NPTN: variants seen among roughly 807,000 people sequenced by gnomAD.
NPTN encodes SDR-1.
Under a neutral mutation model 42.7 loss-of-function variants are expected in NPTN, and 5 were observed. The ratio of observed to expected loss-of-function variants is 0.12; its 90% CI spans 0.06 to 0.25. The LOEUF (loss-of-function observed/expected upper bound fraction) is 0.25. NPTN is among the 10% of genes least tolerant of loss of function. The pLI is 1.00. For missense variants in NPTN, 307 were observed against 525.4 expected (o/e 0.58, Z 4.06); for synonymous variants, 180 against 201.9 (o/e 0.89, Z 0.92).
chr15:73,614,810 T>C (rs1897782489), intron 1 of NPTN, among the ~76,000 whole-genome samples: 1 of 152,190 alleles, frequency 6.6e-6, no homozygotes, highest in South Asian at 2.1e-4. Flanking sequence ...GAGTTTTTCA[T>C]AGAAAGGTAG....
At chr15:73,602,295 C>T (rs1242460656) in intron 1 of NPTN, among the ~76,000 whole-genome samples, 2 of 152,142 alleles carry the variant, frequency 1.3e-5, no homozygotes, top group Non-Finnish European at 2.9e-5. Flanking sequence ...CTGTTCCCTT[C>T]AAACCCCCTC....
At chr15:73,599,840 C>T (rs1032851537) in intron 1 of NPTN, among the ~76,000 whole-genome samples, 9 of 152,102 alleles carry the variant, frequency 5.9e-5, no homozygotes, top group African/African-American at 2.2e-4. Context: ...TGGGGAGTTA[C>T]AGCCTCTCAA....
chr15:73,600,064 A>G (rs1897013334), intron 1 of NPTN, among the ~76,000 whole-genome samples: 7 of 152,184 alleles, frequency 4.6e-5, no homozygotes, highest in Admixed American at 4.6e-4. Context: ...ATAACACACA[A>G]GTCACAGGTA....
chr15:73,569,646 TCTGA>T lies in NPTN; in HGVS notation c.1114+500_1114+503del. ...GTTCCAATGGCTTTTCTGAGAACAG[TCTGA>T]CTGGGCTGGGGCAGTTACCTACAGG... On this transcript the variant is annotated intron_variant, in intron 6 of 8. Transcript: ENST00000345330. This position sits in a 1 kb window ranked among gnomAD's most constrained non-coding sequence, Gnocchi z 4.1. 1 of 985,442 alleles carries T rather than the reference TCTGA, an allele frequency of 1.0e-6. No individual in the cohort carries two copies. Among genetic ancestry groups the T allele is most frequent in the South Asian group, 4.7e-5 (1 of 21,290 alleles). The allele number at this position is 985,442 out of a possible 1,614,324, so 61.0% of individuals were successfully genotyped here. A position where few individuals can be genotyped will look rare whatever the true frequency, so the allele number is the denominator to read the frequency against.
rs1017721285 is a variant in NPTN at position 73,569,219 on chromosome 15, G to A, written c.1114+931C>T. The A allele has an allele frequency of 1.0e-6, 1 of 985,384 alleles. No individual in the cohort carries two copies. Among genetic ancestry groups the A allele is most frequent in the East Asian group, 1.1e-4 (1 of 8,832 alleles). 61.0% of individuals were successfully genotyped at this position (985,384 alleles called of 1,614,324 possible). The stretch of plus-strand genomic sequence containing the variant: ...CTGTACGCCGGTCATGTTATAGGGT[G>A]GGGATGGGGAGCCAGCTGGGAACCT... On this transcript the variant is annotated intron_variant, in intron 6 of 8. Transcript: ENST00000345330. This position sits in a 1 kb window ranked among gnomAD's most constrained non-coding sequence, Gnocchi z 4.1.
intron 4 of NPTN, among the ~76,000 whole-genome samples, chr15:73,574,532 G>C (rs1445554983): frequency 6.6e-6 from 1 of 152,120 alleles, no homozygotes; most frequent in Non-Finnish European, 1.5e-5. Flanking sequence ...GTGATCCTCA[G>C]CTCCCGAGTA....
At chr15:73,605,455 G>A (rs974672896) in intron 1 of NPTN, among the ~76,000 whole-genome samples, 1 of 152,102 alleles carries the variant, frequency 6.6e-6, no homozygotes, top group Non-Finnish European at 1.5e-5. Context: ...TAGGTCGGGT[G>A]CGGTGGCTCA....
chr15:73,603,542 G>A (rs117161511), intron 1 of NPTN, among the ~76,000 whole-genome samples: 6 of 152,308 alleles, frequency 3.9e-5, no homozygotes, highest in East Asian at 1.9e-4. Context: ...GCAGACACAT[G>A]TATGTGGACT....
At chr15:73,614,729 T>G (rs113740992) in intron 1 of NPTN, among the ~76,000 whole-genome samples, 2,109 of 152,296 alleles carry the variant, frequency 0.014, 18 homozygotes, top group Non-Finnish European at 0.02. Context: ...TTGCAACCTA[T>G]TAAAAACTTA....
At chr15:73,584,730 T>G in intron 4 of NPTN, among the ~76,000 whole-genome samples, 1 of 147,910 alleles carries the variant, frequency 6.8e-6, no homozygotes, top group Non-Finnish European at 1.5e-5. Context: ...CTCAACAGTA[T>G]CTTCCTGTTT....
intron 1 of NPTN, among the ~76,000 whole-genome samples, chr15:73,626,140 G>A (rs1450853841): frequency 6.6e-6 from 1 of 152,156 alleles, no homozygotes; most frequent in African/African-American, 2.4e-5. Context: ...AATACAAATA[G>A]TTAAGTGTGT....
At chr15:73,567,543 T>C (rs1895101465) in intron 6 of NPTN, 1 of 985,366 alleles carries the variant, frequency 1.0e-6, no homozygotes, top group Non-Finnish European at 1.2e-6. Context: ...GTCCTTCCTA[T>C]GGAGTGCACA....
In NPTN at chr15:73,569,118, T is replaced by C. The variant is rs1895220453; in HGVS notation, c.1114+1032A>G. 2 of 985,602 alleles carry C rather than the reference T, an allele frequency of 2.0e-6. No individual in the cohort carries two copies. The highest frequency in any genetic ancestry group is 1.7e-5 in the African/African-American group (1 of 57,252). 61.1% of individuals were successfully genotyped at this position (985,602 alleles called of 1,614,324 possible). The stretch of plus-strand genomic sequence containing the variant: ...ACCATCACCCCGGGTAGGCTACCAC[T>C]GAGCCCAGGGGCACACCCATCTGTC... On this transcript the variant is annotated intron_variant, in intron 6 of 8. Transcript: ENST00000345330. The surrounding 1 kb of genome is among the most constrained non-coding windows in gnomAD (Gnocchi z 4.1).
In NPTN at chr15:73,591,958, A is replaced by C. The variant is rs1896607824; in HGVS notation, c.611+8T>G. 1 of 1,606,102 alleles carries C rather than the reference A, an allele frequency of 6.2e-7. No homozygotes were observed. The highest frequency in any genetic ancestry group is 8.5e-7 in the Non-Finnish European group (1 of 1,175,584). ...CCCACCTTCCCAGGAGCTGCCCACCACTCTCACCTGTACTCCATGTTGCTG... is the reference window on the plus strand; with the variant it reads ...CCCACCTTCCCAGGAGCTGCCCACCCCTCTCACCTGTACTCCATGTTGCTG... On this transcript the variant is annotated splice_region_variant and intron_variant, in intron 3 of 8. Transcript: ENST00000345330.
intron 4 of NPTN, among the ~76,000 whole-genome samples, chr15:73,585,706 G>A (rs1345191231): frequency 1.3e-5 from 2 of 152,184 alleles, no homozygotes; most frequent in Non-Finnish European, 1.5e-5. Flanking sequence ...CCAGAATATG[G>A]TTTAAGATAT....
intron 1 of NPTN, among the ~76,000 whole-genome samples, chr15:73,608,770 G>C (rs1897408054): frequency 6.6e-6 from 1 of 152,214 alleles, no homozygotes; most frequent in African/African-American, 2.4e-5. Context: ...CTAATTAAGA[G>C]TGGCTGTGGG....
intron 2 of NPTN, among the ~76,000 whole-genome samples, chr15:73,592,693 G>A (rs1247867718): frequency 6.6e-6 from 1 of 152,124 alleles, no homozygotes; most frequent in Non-Finnish European, 1.5e-5. Flanking sequence ...CTTCCTATTG[G>A]AAGTCACTTG....
intron 1 of NPTN, among the ~76,000 whole-genome samples, chr15:73,609,377 T>G (rs549184224): frequency 6.6e-6 from 1 of 152,286 alleles, no homozygotes; most frequent in East Asian, 1.9e-4. Context: ...ACGCCTGTAA[T>G]CCCAGCGCTT....
chr15:73,568,637 G>C (rs1465639601), intron 6 of NPTN: 6 of 985,456 alleles, frequency 6.1e-6, no homozygotes, highest in Middle Eastern at 5.2e-4. Flanking sequence ...AAAGAAAGCA[G>C]GTTCACTTCA....
Sources: allele counts gnomAD v4.1 joint callset (sites outside exome capture counted in the v4.1 genomes callset), GRCh38; gene constraint gnomAD v4.1.1; non-coding constraint Gnocchi (gnomAD v3.1); transcripts MANE v1.5; gene names NCBI Gene and HGNC (gene_info 2026-07-23, HGNC 2026-07-21).